SGK3: variants seen among roughly 807,000 people sequenced by gnomAD.
SGK3 encodes serine/threonine-protein kinase Sgk3.
SGK3 carries 47 observed loss-of-function variants against 68.5 expected under a neutral mutation model. That is an observed-to-expected ratio of 0.69 (90% CI 0.54 to 0.87). SGK3 has a LOEUF of 0.87. SGK3 is among the 40% of genes least tolerant of loss of function. The pLI is 0.00. For synonymous variants in SGK3, 181 were observed against 189.1 expected, an observed-to-expected ratio of 0.96 and a Z score of 0.35; for missense variants, 479 against 575.5, an observed-to-expected ratio of 0.83 and a Z score of 1.72.
intron 1 of SGK3, among the ~76,000 whole-genome samples, chr8:66,726,711 G>A (rs897421668): frequency 6.6e-6 from 1 of 151,014 alleles, no homozygotes; most frequent in Non-Finnish European, 1.5e-5. Flanking sequence ...TGAGGCGGGA[G>A]GATCGCTTGA....
intron 1 of SGK3, among the ~76,000 whole-genome samples, chr8:66,744,522 T>TG (rs1563605747): frequency 6.6e-5 from 6 of 90,580 alleles, no homozygotes; most frequent in African/African-American, 2.5e-4. Context: ...TATATATATT[T>TG]TTTTTTTTTT....
At chr8:66,837,007 A>G (rs1419788584) in intron 10 of SGK3, among the ~76,000 whole-genome samples, 1 of 152,202 alleles carries the variant, frequency 6.6e-6, no homozygotes, top group Non-Finnish European at 1.5e-5. Context: ...CAATAATTAC[A>G]ATAATAACTA....
chr8:66,744,513 ATATATATTT>A (rs1805580753), intron 1 of SGK3, among the ~76,000 whole-genome samples: 1 of 25,854 alleles, frequency 3.9e-5, no homozygotes, highest in Non-Finnish European at 6.0e-5. Flanking sequence ...ATATATATAT[ATATATATTT>A]TTTTTTTTTT....
Position 66,840,116 on chromosome 8 carries a change from G to T in SGK3, c.854+1G>T. Reference sequence around the variant, plus strand: ...TACATTCCATCAAAATAGTATACAGGTACAATTTTAAAATATACTTGTAAA... The same window carrying T: ...TACATTCCATCAAAATAGTATACAGTTACAATTTTAAAATATACTTGTAAA... On this transcript the variant is annotated splice_donor_variant, in intron 11 of 16. Coordinates refer to ENST00000521198, the MANE Select transcript of SGK3 (RefSeq NM_001033578.3). LOFTEE classifies it high-confidence loss of function. The T allele has an allele frequency of 6.2e-7, 1 of 1,611,066 alleles. No individual in the cohort carries two copies. The highest frequency in any genetic ancestry group is 1.3e-5 in the African/African-American group (1 of 74,822).
At chr8:66,824,857 T>C (rs1401096773) in intron 6 of SGK3, among the ~76,000 whole-genome samples, 2 of 152,208 alleles carry the variant, frequency 1.3e-5, no homozygotes, top group African/African-American at 2.4e-5. Context: ...TAAAAAGATA[T>C]GCAAATACTA....
intron 1 of SGK3, among the ~76,000 whole-genome samples, chr8:66,784,932 C>T (rs1046599029): frequency 5.9e-5 from 9 of 152,050 alleles, no homozygotes; most frequent in Admixed American, 3.3e-4. Context: ...TTTCTTGTGT[C>T]CTCCTTATTT....
chr8:66,731,847 T>TA (rs1805165870), intron 1 of SGK3, among the ~76,000 whole-genome samples: 1 of 152,248 alleles, frequency 6.6e-6, no homozygotes, highest in South Asian at 2.1e-4. Flanking sequence ...TATTAACATT[T>TA]AAATGTAACT....
At chr8:66,822,966 T>G (rs971080432) in intron 6 of SGK3, among the ~76,000 whole-genome samples, 6 of 152,168 alleles carry the variant, frequency 3.9e-5, no homozygotes, top group Non-Finnish European at 7.3e-5. Flanking sequence ...AGTACTTTTT[T>G]ACTAAAAAGT....
At chr8:66,830,553 C>T (rs1438594205) in intron 7 of SGK3, among the ~76,000 whole-genome samples, 2 of 152,224 alleles carry the variant, frequency 1.3e-5, no homozygotes, top group African/African-American at 4.8e-5. Flanking sequence ...CTTTTGGCTG[C>T]TTAAGCTCCC....
At chr8:66,855,140 A>C (rs1585820326) in intron 16 of SGK3, among the ~76,000 whole-genome samples, 1 of 152,194 alleles carries the variant, frequency 6.6e-6, no homozygotes, top group Non-Finnish European at 1.5e-5. Context: ...TTAAAGCATG[A>C]CCCAGAAGCC....
intron 1 of SGK3, among the ~76,000 whole-genome samples, chr8:66,723,129 A>ATTT (rs1289411840): frequency 1.6e-3 from 63 of 40,610 alleles, no homozygotes; most frequent in East Asian, 4.6e-3. Flanking sequence ...ATATATATAT[A>ATTT]TATTTTTTTT....
chr8:66,789,960 C>T (rs1360603699), intron 1 of SGK3, among the ~76,000 whole-genome samples: 2 of 152,054 alleles, frequency 1.3e-5, no homozygotes, highest in Non-Finnish European at 2.9e-5. Context: ...TGCCTGTGGT[C>T]CCAGCTACTT....
At chr8:66,728,902 C>T (rs545312453) in intron 1 of SGK3, among the ~76,000 whole-genome samples, 36 of 150,634 alleles carry the variant, frequency 2.4e-4, no homozygotes, top group Non-Finnish European at 3.2e-4. Flanking sequence ...GGCAACAGAG[C>T]GAAACTCTGC....
rs146054018 is a variant in SGK3 at position 66,780,037 on chromosome 8, A to C, written c.-121-13579A>C. Among the ~76,000 whole-genome samples the C allele has an allele frequency of 3.3e-5, 5 of 152,302 alleles. No individual in the cohort carries two copies. The East Asian group carries it at 9.7e-4, about 29-fold the overall frequency. On this transcript the variant is annotated intron_variant, in intron 1 of 16. Transcript: ENST00000521198. ...ATAGAATCATTCATAAAAATAATAA[A>C]AAATGAGGGTACACATGCTGATATA...
intron 14 of SGK3, among the ~76,000 whole-genome samples, chr8:66,844,568 T>C (rs1005424170): frequency 1.3e-5 from 2 of 152,206 alleles, no homozygotes; most frequent in African/African-American, 4.8e-5. Context: ...TGTTTTTCTG[T>C]AGGCTTTTTG....
chr8:66,804,349 TATA>T (rs1563636575), intron 3 of SGK3, 23 bp from the exon 4 acceptor site: 3 of 1,580,724 alleles, frequency 1.9e-6, no homozygotes, highest in Non-Finnish European at 2.6e-6. Context: ...AATTAGTTCA[TATA>T]ATGTTATTTT....
intron 14 of SGK3, among the ~76,000 whole-genome samples, chr8:66,846,529 G>A (rs1194225471): frequency 1.3e-5 from 2 of 152,090 alleles, no homozygotes; most frequent in African/African-American, 4.8e-5. Flanking sequence ...GCCCAGGCTG[G>A]TCTTGAACTC....
intron 6 of SGK3, among the ~76,000 whole-genome samples, chr8:66,826,725 A>G (rs1585775766): frequency 6.6e-6 from 1 of 152,116 alleles, no homozygotes; most frequent in East Asian, 1.9e-4. Flanking sequence ...GCTCACTGCA[A>G]CCTCTGCCTC....
At chr8:66,784,764 TAAC>T (rs1196422807) in intron 1 of SGK3, among the ~76,000 whole-genome samples, 1 of 152,194 alleles carries the variant, frequency 6.6e-6, no homozygotes, top group African/African-American at 2.4e-5. Context: ...CATTTTAACA[TAAC>T]AAGAATTTGG....
Sources: allele counts gnomAD v4.1 joint callset (sites outside exome capture counted in the v4.1 genomes callset), GRCh38; gene constraint gnomAD v4.1.1; transcripts MANE v1.5; gene names NCBI Gene and HGNC (gene_info 2026-07-23, HGNC 2026-07-21).